Variants in CPNE3 observed in about 807,000 individuals in gnomAD.
The protein encoded by CPNE3 is copine 3, also known as copine-3.
CPNE3 carries 68 observed loss-of-function variants against 63.9 expected under a neutral mutation model. The ratio of observed to expected loss-of-function variants is 1.06; its 90% CI spans 0.87 to 1.30. The LOEUF (loss-of-function observed/expected upper bound fraction) is 1.30. Ranked by LOEUF, CPNE3 falls within the 50% of genes most tolerant of loss-of-function variation. The pLI is 0.00. For missense variants in CPNE3, 665 were observed against 578.1 expected (o/e 1.15, Z -1.54); for synonymous variants, 219 against 197.5 (o/e 1.11, Z -0.91).
chr8:86,529,179 TG>T (rs1820614382), intron 4 of CPNE3, 55 bp downstream of exon 4: 2 of 1,482,574 alleles, frequency 1.3e-6, no homozygotes, highest in Non-Finnish European at 1.8e-6. Flanking sequence ...TCAATGAATT[TG>T]GTGGTGTTTT....
intron 7 of CPNE3, among the ~76,000 whole-genome samples, chr8:86,538,330 G>T (rs558452001): frequency 1.3e-5 from 2 of 152,042 alleles, no homozygotes; most frequent in Non-Finnish European, 2.9e-5. Flanking sequence ...AGCTGAGATC[G>T]CACCACTGCA....
intron 4 of CPNE3, among the ~76,000 whole-genome samples, chr8:86,530,886 TTCACCA>T (rs1429773820): frequency 2.6e-5 from 4 of 151,820 alleles, no homozygotes; most frequent in African/African-American, 7.3e-5. Flanking sequence ...GAGATGGGGT[TTCACCA>T]TGTTGGCCAG....
intron 12 of CPNE3, among the ~76,000 whole-genome samples, chr8:86,550,298 G>C (rs1243920622): frequency 6.6e-6 from 1 of 152,102 alleles, no homozygotes; most frequent in Non-Finnish European, 1.5e-5. Context: ...ACCCAGGCTG[G>C]AGTACAGTGG....
At position 86,544,740 on chromosome 8, in the gene CPNE3, G is replaced by A. The variant is rs139489122; in HGVS notation, c.634G>A (p.Val212Met). 7.4e-3 allele frequency: 10,284 copies of A among 1,394,670 alleles called. 55 individuals carry two copies. The highest frequency in any genetic ancestry group is 7.9e-3 in the Non-Finnish European group (8,318 of 1,050,506). The allele number at this position is 1,394,670 out of a possible 1,614,324, so 86.4% of individuals were successfully genotyped here. A position where few individuals can be genotyped will look rare whatever the true frequency, so the allele number is the denominator to read the frequency against. The change falls in exon 9 of 17, where the codon GTG (valine) becomes ATG (methionine). Residue 212 changes from valine to methionine, a missense_variant and splice_region_variant. Physicochemically the swap from Val to Met is conservative, Grantham distance 21. Transcript: ENST00000517490. ...CYGDMDKTIK[V>M]ECYDYDNDGS... ...ATATTTTTATTATATTTAATTTCAG[G>A]TGGAGTGTTATGATTATGACAATGA...
rs1325105689 is a variant in CPNE3 at position 86,559,512 on chromosome 8, T to C, written c.*1102T>C. The C allele has an allele frequency of 1.3e-5, 2 of 152,216 alleles. No homozygotes were observed. The highest frequency in any genetic ancestry group is 2.4e-5 in the African/African-American group (1 of 41,466). The allele number at this position is 152,216 out of a possible 1,614,324, so 9.4% of individuals were successfully genotyped here. A position where few individuals can be genotyped will look rare whatever the true frequency, so the allele number is the denominator to read the frequency against. On this transcript the variant is annotated 3_prime_UTR_variant, in exon 17 of 17. Transcript: ENST00000517490. ...ATCAAAATTGCATTTTACAATTTAA[T>C]AATGTGATATTTCCTATGTCTACAG... is the stretch of plus-strand genomic sequence containing the variant.
chr8:86,553,802 T>C (rs1821248510), intron 14 of CPNE3, among the ~76,000 whole-genome samples: 1 of 151,780 alleles, frequency 6.6e-6, no homozygotes, highest in South Asian at 2.1e-4. Context: ...GCAAGTATTG[T>C]TGGAAATTCT....
At chr8:86,521,463 A>C (rs997784223) in intron 2 of CPNE3, 2 of 152,214 alleles carry the variant, frequency 1.3e-5, no homozygotes, top group Non-Finnish European at 2.9e-5. Flanking sequence ...TTTTGATATT[A>C]ACAAGACTTA....
chr8:86,517,688 G>A (rs1261429160), intron 2 of CPNE3, among the ~76,000 whole-genome samples: 1 of 152,124 alleles, frequency 6.6e-6, no homozygotes, highest in Non-Finnish European at 1.5e-5. Context: ...GTTCCCTGTA[G>A]CACTTACTGC....
chr8:86,535,479 C>G (rs1820783048), intron 6 of CPNE3, among the ~76,000 whole-genome samples: 1 of 151,998 alleles, frequency 6.6e-6, no homozygotes, highest in Non-Finnish European at 1.5e-5. Context: ...ACCAGCCTGG[C>G]CAACATGGTG....
chr8:86,560,898 T>G lies in CPNE3; in HGVS notation c.*2488T>G, dbSNP rs1821426428. On this transcript the variant is annotated 3_prime_UTR_variant, in exon 17 of 17. Transcript: ENST00000517490. ...CCCATATTGACTTTCACACCTCATATAATCAGATCTATTACAAATATATAT... is the reference window on the plus strand; with the variant it reads ...CCCATATTGACTTTCACACCTCATAGAATCAGATCTATTACAAATATATAT... The G allele has an allele frequency of 6.6e-6, 1 of 152,230 alleles. No homozygotes were observed. Among genetic ancestry groups the G allele is most frequent in the Admixed American group, 6.5e-5 (1 of 15,286 alleles). 9.4% of individuals were successfully genotyped at this position (152,230 alleles called of 1,614,324 possible).
intron 2 of CPNE3, among the ~76,000 whole-genome samples, chr8:86,525,780 T>G (rs1271578908): frequency 6.6e-6 from 1 of 152,138 alleles, no homozygotes; most frequent in Non-Finnish European, 1.5e-5. Context: ...CCTCTACATG[T>G]TTTTTTGGGG....
At chr8:86,520,502 G>T (rs924600438) in intron 2 of CPNE3, among the ~76,000 whole-genome samples, 1 of 151,126 alleles carries the variant, frequency 6.6e-6, no homozygotes, top group African/African-American at 2.4e-5. Context: ...TTGCAAGTGA[G>T]CCAAGATCTC....
Position 86,529,114 on chromosome 8 carries a change from C to T in CPNE3, c.302C>T (p.Thr101Ile), listed in dbSNP as rs1297731847. The change falls in exon 4 of 17, where the codon ACC becomes ATC. Residue 101 changes from threonine to isoleucine, a missense_variant. Transcript: ENST00000517490. ...GACTTCTTAGGGGAATGTGAATGTACCCTTGGACAAGTAAGTATAAATAGC... is the reference window on the plus strand; with the variant it reads ...GACTTCTTAGGGGAATGTGAATGTATCCTTGGACAAGTAAGTATAAATAGC... ...DDDFLGECECTLGQIVSSKKL... is the reference protein window; with the variant it reads ...DDDFLGECECILGQIVSSKKL... 12 of 1,612,372 alleles carry T rather than the reference C, an allele frequency of 7.4e-6. No individual in the cohort carries two copies. The highest frequency in any genetic ancestry group is 1.7e-6 in the Non-Finnish European group (2 of 1,179,164).
chr8:86,528,919 T>C, intron 3 of CPNE3, 26 bp from the exon 4 acceptor site: 1 of 1,585,586 alleles, frequency 6.3e-7, no homozygotes. Context: ...CTGAAGAAAC[T>C]TTTTTGTTTT....
At chr8:86,539,725 C>T (rs934338423) in intron 7 of CPNE3, among the ~76,000 whole-genome samples, 3 of 143,950 alleles carry the variant, frequency 2.1e-5, no homozygotes, top group Admixed American at 7.1e-5. Context: ...TGCAGTGGCA[C>T]GATCTCCACT....
intron 14 of CPNE3, 112 bp from the exon 15 acceptor site, chr8:86,554,739 C>A: frequency 7.8e-7 from 1 of 1,278,814 alleles, no homozygotes; most frequent in Non-Finnish European, 1.1e-6. Context: ...GAACTTTTGA[C>A]TATTTAAAGC....
intron 9 of CPNE3, 164 bp downstream of exon 9, chr8:86,545,002 G>A (rs1354047309): frequency 5.3e-6 from 2 of 377,054 alleles, no homozygotes; most frequent in Non-Finnish European, 9.4e-6. Context: ...ATTCATACTT[G>A]GGGCATGAAT....
chr8:86,555,791 A>G (rs1158130722), intron 15 of CPNE3, among the ~76,000 whole-genome samples: 1 of 152,198 alleles, frequency 6.6e-6, no homozygotes, highest in East Asian at 1.9e-4. Context: ...ATACTTTGAC[A>G]TATTTAATAC....
chr8:86,545,810 G>C (rs1419317223), intron 9 of CPNE3, among the ~76,000 whole-genome samples: 1 of 152,150 alleles, frequency 6.6e-6, no homozygotes, highest in African/African-American at 2.4e-5. Flanking sequence ...GAATTTGAAG[G>C]TATAAGTTGG....
Sources: allele counts gnomAD v4.1 joint callset (sites outside exome capture counted in the v4.1 genomes callset), GRCh38; gene constraint gnomAD v4.1.1; transcripts MANE v1.5; gene names NCBI Gene and HGNC (gene_info 2026-07-23, HGNC 2026-07-21).